Variants in TEP1 observed in about 807,000 individuals in gnomAD.
The protein encoded by TEP1 is telomerase protein component 1.
TEP1 carries 241 observed loss-of-function variants against 306.3 expected under a neutral mutation model. The ratio of observed to expected loss-of-function variants is 0.79; its 90% CI spans 0.71 to 0.88. The LOEUF is 0.88. Among genes scored for constraint, TEP1 ranks in the 40% least tolerant of loss-of-function variants. The pLI is 0.00. For synonymous variants in TEP1, 1,289 were observed against 1,305.5 expected (o/e 0.99, Z 0.27); for missense variants, 3,051 against 3,276.1 (o/e 0.93, Z 1.68).
chr14:20,405,411 C>A (rs1385473458), intron 4 of TEP1, 40 bp downstream of exon 4: 2 of 1,561,460 alleles, frequency 1.3e-6, no homozygotes, highest in Admixed American at 1.7e-5. Context: ...TCCCAGTCTA[C>A]CAGCTTCACA....
chr14:20,368,733 A>G (rs935053583), intron 54 of TEP1, 65 bp downstream of exon 54: 2 of 1,542,798 alleles, frequency 1.3e-6, no homozygotes, highest in African/African-American at 1.4e-5. Flanking sequence ...CTGTCTTGTG[A>G]CATCCCTTTG....
At chr14:20,401,662 A>C (rs555429190) in intron 7 of TEP1, 81 bp from the exon 8 acceptor site, 3 of 1,561,180 alleles carry the variant, frequency 1.9e-6, no homozygotes, top group African/African-American at 2.7e-5. Context: ...AGATTGTAAG[A>C]CCATCCGATC....
Position 20,380,362 on chromosome 14 carries a change from G to A in TEP1, c.4876C>T (p.Gln1626Ter). Residue 1626 changes from glutamine to a stop codon, truncating the protein, a stop_gained, in exon 34 of 55, where the codon CAG becomes TAG. Coordinates refer to ENST00000262715, the MANE Select transcript of TEP1 (RefSeq NM_007110.5). LOFTEE classifies it high-confidence loss of function. ...ILSQYPRLLPQQAANQPLDSP... is the reference protein window; with the variant it reads ...ILSQYPRLLP ...TCCAGGGGCTGGTTGGCTGCCTGCTGGGGCAGGAGCCGGGGGTACTGGCTG... is the reference window on the plus strand; with the variant it reads ...TCCAGGGGCTGGTTGGCTGCCTGCTAGGGCAGGAGCCGGGGGTACTGGCTG... 1 of 1,614,218 alleles carries A rather than the reference G, an allele frequency of 6.2e-7. No homozygotes were observed. The highest frequency in any genetic ancestry group is 1.3e-5 in the African/African-American group (1 of 75,066).
chr14:20,378,910 T>C, intron 36 of TEP1, 57 bp from the exon 37 acceptor site: 2 of 1,613,906 alleles, frequency 1.2e-6, no homozygotes, highest in Non-Finnish European at 1.7e-6. Flanking sequence ...TCCCTCCTCA[T>C]TTCCTTCTCC....
intron 35 of TEP1, 21 bp downstream of exon 35, chr14:20,379,909 G>A (rs747531900): frequency 6.2e-7 from 1 of 1,601,552 alleles, no homozygotes; most frequent in Non-Finnish European, 8.5e-7. Context: ...GGTAAATTCT[G>A]CCCCTCCTTG....
chr14:20,398,588 CAT>C (rs753794341), intron 9 of TEP1, among the ~76,000 whole-genome samples: 1 of 151,938 alleles, frequency 6.6e-6, no homozygotes. Context: ...ACACGTAACA[CAT>C]AACACTGTAT....
At chr14:20,384,332 A>G (rs966841264) in intron 23 of TEP1, 59 bp downstream of exon 23, 2 of 1,611,794 alleles carry the variant, frequency 1.2e-6, no homozygotes, top group African/African-American at 1.3e-5. Context: ...CCTCCCCAGG[A>G]CAACCCAGAC....
At chr14:20,371,976 C>A (rs1211038542) in intron 49 of TEP1, among the ~76,000 whole-genome samples, 3 of 152,170 alleles carry the variant, frequency 2.0e-5, no homozygotes, top group Non-Finnish European at 4.4e-5. Context: ...CTTTCCTAGG[C>A]TATAGCTACA....
At chr14:20,410,722 G>A (rs531278635) in intron 1 of TEP1, among the ~76,000 whole-genome samples, 200 of 149,526 alleles carry the variant, frequency 1.3e-3, no homozygotes, top group African/African-American at 4.6e-3. Context: ...TTACAGGTGT[G>A]AGCCACTGTG....
rs201507456 is a variant in TEP1, at chr14:20,378,164, G to A, written c.5581C>T (p.Arg1861Trp). The change falls in exon 39 of 55, where the codon CGG (arginine) becomes TGG (tryptophan). Residue 1861 changes from arginine (R) to tryptophan (W), a missense_variant. By Grantham distance (101) the Arg-to-Trp change is moderately radical. This residue lies in a region of TEP1 where 1,540 missense variants were observed against 1,705.9 expected (regional missense o/e 0.90). Coordinates refer to ENST00000262715, the MANE Select transcript of TEP1 (RefSeq NM_007110.5). ...CACAGCTCCACCATACTGTCCAGCC[G>A]GCCCACAGCCACAACCCCCCCAGGC... ...NVPGGVVAVG[R>W]LDSMVELWAW... 99 of 1,613,782 alleles carry A rather than the reference G, an allele frequency of 6.1e-5. No individual in the cohort carries two copies. Among genetic ancestry groups the A allele is most frequent in the Non-Finnish European group, 8.1e-5 (95 of 1,180,020 alleles).
Position 20,385,014 on chromosome 14 carries a change from G to A in TEP1, c.3078C>T (p.Leu1026=). Residue 1026 remains leucine (L), a synonymous_variant, in exon 21 of 55, where the codon CTC becomes CTT. Coordinates refer to ENST00000262715, the MANE Select transcript of TEP1 (RefSeq NM_007110.5). ...GGAAGCTGGAATCCCGGAAGTAGATGAGAGCTTGGGCAGAGGGCTGCAGAC... is the reference window on the plus strand; with the variant it reads ...GGAAGCTGGAATCCCGGAAGTAGATAAGAGCTTGGGCAGAGGGCTGCAGAC... ...NQRLQPSAQA[L]IYFRDSSFLS... is the part of the protein sequence containing the mutation. The A allele has an allele frequency of 6.2e-7, 1 of 1,614,236 alleles. No individual in the cohort carries two copies. Among genetic ancestry groups the A allele is most frequent in the South Asian group, 1.1e-5 (1 of 91,076 alleles).
rs1884689636 is a variant in TEP1 at position 20,369,475 on chromosome 14, C to T, written c.7525G>A (p.Ala2509Thr). Residue 2509 changes from alanine to threonine, a missense_variant, in exon 53 of 55, where the codon GCA (alanine) becomes ACA (threonine). This residue lies in a region of TEP1 where 1,540 missense variants were observed against 1,705.9 expected (regional missense o/e 0.90). Transcript: ENST00000262715. The stretch of plus-strand genomic sequence containing the variant: ...GGAGTTTGGGTTTCTGGAGTGTTTG[C>T]TTTTTTCTGCCACATGTTACCTGTG... ...WTTGNMWQKK[A>T]NTPETQTPGT... 5 of 1,614,108 alleles carry T rather than the reference C, an allele frequency of 3.1e-6. No homozygotes were observed. The highest frequency in any genetic ancestry group is 4.2e-6 in the Non-Finnish European group (5 of 1,180,016).
chr14:20,380,490 C>T lies in TEP1; in HGVS notation c.4763-15G>A. 6.2e-7 allele frequency: 1 copy of T among 1,602,652 alleles called. No individual in the cohort carries two copies. On this transcript the variant is annotated splice_polypyrimidine_tract_variant and intron_variant, in intron 33 of 54. Coordinates refer to ENST00000262715, the MANE Select transcript of TEP1 (RefSeq NM_007110.5). ...GACTGAAGAAGCTATAAAAGGGTGGCAGAATGTCACTGGGGAGCCAGCTGG... is the reference window on the plus strand; with the variant it reads ...GACTGAAGAAGCTATAAAAGGGTGGTAGAATGTCACTGGGGAGCCAGCTGG...
chr14:20,369,121 C>A (rs1713444), intron 53 of TEP1, among the ~76,000 whole-genome samples: 42,757 of 151,568 alleles, frequency 0.28, 6,505 homozygotes, highest in African/African-American at 0.39. Flanking sequence ...CATTCTCCTG[C>A]CTCAGACTCC....
At chr14:20,374,301 G>A (rs75722927) in intron 44 of TEP1, 128 bp downstream of exon 44, 4 of 594,502 alleles carry the variant, frequency 6.7e-6, no homozygotes, top group Non-Finnish European at 1.1e-5. Flanking sequence ...TTCCTATGTT[G>A]CCTAATCTCT....
chr14:20,367,528 A>C lies in TEP1; in HGVS notation c.*909T>G, dbSNP rs1884542955. ...GAATGCCAATTACCATATTGACTAA[A>C]GTTGAAAGTCGTGTCAGAAGTTGGG... On this transcript the variant is annotated 3_prime_UTR_variant, in exon 55 of 55. Transcript: ENST00000262715. 6.6e-6 allele frequency: 1 copy of C among 152,156 alleles called. No homozygotes were observed. Among genetic ancestry groups the C allele is most frequent in the African/African-American group, 2.4e-5 (1 of 41,426 alleles). The allele number at this position is 152,156 out of a possible 1,614,324, so 9.4% of individuals were successfully genotyped here. A position where few individuals can be genotyped will look rare whatever the true frequency, so the allele number is the denominator to read the frequency against.
chr14:20,392,258 A>G (rs1300491840), intron 12 of TEP1, among the ~76,000 whole-genome samples: 1 of 152,240 alleles, frequency 6.6e-6, no homozygotes, highest in Non-Finnish European at 1.5e-5. Context: ...CAGGAATGAT[A>G]AAACCCTCAT....
chr14:20,403,688 A>T (rs1566481320), intron 6 of TEP1, 35 bp downstream of exon 6: 15 of 1,611,984 alleles, frequency 9.3e-6, no homozygotes, highest in Non-Finnish European at 1.3e-5. Flanking sequence ...CCTGGAGAAA[A>T]GGGGCGTGGG....
intron 12 of TEP1, among the ~76,000 whole-genome samples, 161 bp downstream of exon 12, chr14:20,395,289 A>C (rs1257109259): frequency 1.3e-5 from 2 of 152,222 alleles, no homozygotes; most frequent in East Asian, 3.8e-4. Flanking sequence ...ACAATGTTAA[A>C]GACAAGGTGT....
Sources: gnomAD v4.1 joint callset for allele counts (sites outside exome capture counted in the v4.1 genomes callset) on GRCh38, gnomAD v4.1.1 for gene constraint, gnomAD v4.1.1 regional missense constraint, MANE v1.5 for transcripts, NCBI Gene and HGNC (gene_info 2026-07-23, HGNC 2026-07-21) for gene names.